FZR1: variants seen among roughly 807,000 people sequenced by gnomAD.
The protein encoded by FZR1 is fizzy-related protein homolog.
In FZR1, 11 loss-of-function variants were observed where a neutral mutation model predicts 63.6. The ratio of observed to expected loss-of-function variants is 0.17; its 90% confidence interval spans 0.11 to 0.29. FZR1 has a LOEUF of 0.29. Ranked by LOEUF, FZR1 falls within the 10% of genes least tolerant of loss-of-function variation. The pLI, the probability that FZR1 is intolerant of heterozygous loss-of-function variation, is 1.00. For synonymous variants in FZR1, 328 were observed against 297.9 expected, an observed-to-expected ratio of 1.10 and a Z score of -1.04; for missense variants, 440 against 687.5, an observed-to-expected ratio of 0.64 and a Z score of 4.03.
chr19:3,528,905 G>C (rs563758919), intron 7 of FZR1, among the ~76,000 whole-genome samples: 1 of 148,736 alleles, frequency 6.7e-6, no homozygotes, highest in South Asian at 2.2e-4. Flanking sequence ...GAGGGGAGTG[G>C]ATGTTTGAGT....
Position 3,526,504 on chromosome 19 carries a change from C to T in FZR1, c.387+118C>T. 1.3e-6 allele frequency: 1 copy of T among 753,274 alleles called. No homozygotes were observed. The allele number at this position is 753,274 out of a possible 1,614,324, so 46.7% of individuals were successfully genotyped here. ...CCGGTTCTCGGGCCCAGCCACGGCT[C>T]AGCACCCCCGCCCTGACCCTGTTCC... On this transcript the variant is annotated intron_variant, in intron 5 of 13. Transcript: ENST00000441788. This position sits in a 1 kb window ranked among gnomAD's most constrained non-coding sequence, Gnocchi z 5.4.
chr19:3,507,983 G>A (rs1229219023), intron 1 of FZR1, among the ~76,000 whole-genome samples: 3 of 152,206 alleles, frequency 2.0e-5, no homozygotes, highest in Non-Finnish European at 4.4e-5. Context: ...CTTACTCAAA[G>A]GCAAGCCCGG....
chr19:3,510,874 C>T (rs1007587803), intron 1 of FZR1, among the ~76,000 whole-genome samples: 3 of 152,242 alleles, frequency 2.0e-5, no homozygotes, highest in East Asian at 1.9e-4. Flanking sequence ...CTCAGCGCCC[C>T]GCAGAGCCCA....
In FZR1 at chr19:3,508,712, T is replaced by C. The variant is rs149216795; in HGVS notation, c.-35+2238T>C. 4.4e-3 allele frequency among the ~76,000 whole-genome samples: 666 copies of C among 152,326 alleles called. 7 individuals are homozygous for C. Among genetic ancestry groups the C allele is most frequent in the Middle Eastern group, 0.01 (3 of 294 alleles). ...GTGAAGATCCAGGGGCTTGGTCTTC[T>C]AGGAACTCAGCGCTGTCACTCCTTT... On this transcript the variant is annotated intron_variant, in intron 1 of 13. Transcript: ENST00000441788.
At chr19:3,531,088 A>G (rs1398418056) in intron 8 of FZR1, among the ~76,000 whole-genome samples, 1 of 152,120 alleles carries the variant, frequency 6.6e-6, no homozygotes, top group Admixed American at 6.5e-5. Context: ...CAGTGGGGAA[A>G]TAACGCCCCA....
In FZR1 at chr19:3,510,323, C is replaced by CG. The variant is rs1349028331; in HGVS notation, c.-35+3853dup. On this transcript the variant is annotated intron_variant, in intron 1 of 13. Coordinates refer to ENST00000441788, the MANE Select transcript of FZR1 (RefSeq NM_016263.4). The stretch of plus-strand genomic sequence containing the variant: ...CTAATGTTTGTATTTTCTGTAGAGA[C>CG]GGGGTTTTACCATGTTGCTCAGGCT... Among the ~76,000 whole-genome samples, 5 of 152,174 alleles carry CG rather than the reference C, an allele frequency of 3.3e-5. No individual in the cohort carries two copies. The East Asian group carries it at 9.7e-4, about 29-fold the overall frequency.
chr19:3,526,441 C>T lies in FZR1; in HGVS notation c.387+55C>T. On this transcript the variant is annotated intron_variant, in intron 5 of 13. Transcript: ENST00000441788. The surrounding 1 kb of genome is among the most constrained non-coding windows in gnomAD (Gnocchi z 5.4). Reference sequence around the variant, plus strand: ...CTGGCTCCCAGTGCAGCCTCCCCGGCCCCCCACCTCCCAGGCACCAGCTCT... The same window carrying T: ...CTGGCTCCCAGTGCAGCCTCCCCGGTCCCCCACCTCCCAGGCACCAGCTCT... The T allele has an allele frequency of 7.1e-7, 1 of 1,412,482 alleles. No homozygotes were observed. 87.5% of individuals were successfully genotyped at this position (1,412,482 alleles called of 1,614,324 possible).
chr19:3,530,244 A>G lies in FZR1; in HGVS notation c.655-548A>G, dbSNP rs1051404241. 4.7e-3 allele frequency among the ~76,000 whole-genome samples: 292 copies of G among 61,682 alleles called. 8 individuals carry two copies. The Middle Eastern group carries it at 0.078, about 17-fold the overall frequency. The allele number at this position is 61,682 out of a possible 152,430, so 40.5% of individuals were successfully genotyped here. On this transcript the variant is annotated intron_variant, in intron 7 of 13. Coordinates refer to ENST00000441788, the MANE Select transcript of FZR1 (RefSeq NM_016263.4). Reference sequence around the variant, plus strand: ...TGGATGGGTGAGCGGATGGGAGAGCAGATGGGTGAGCGGATGGGAGAGCGG... The same window carrying G: ...TGGATGGGTGAGCGGATGGGAGAGCGGATGGGTGAGCGGATGGGAGAGCGG...
chr19:3,529,519 T>G (rs534765547), intron 7 of FZR1, among the ~76,000 whole-genome samples: 2 of 123,830 alleles, frequency 1.6e-5, no homozygotes, highest in South Asian at 2.9e-4. Flanking sequence ...GGAGAGCAGA[T>G]GGGAGAGTGG....
Position 3,537,318 on chromosome 19 carries a change from C to T in FZR1, c.*2482C>T, listed in dbSNP as rs1466828648. ...TGCCTCTGCTGTCAGCTCCACCCGA[C>T]AGGCAGACGAAGGCCAGTGGGGCCA... On this transcript the variant is annotated 3_prime_UTR_variant, in exon 14 of 14. Transcript: ENST00000441788. 1 of 152,292 alleles carries T rather than the reference C, an allele frequency of 6.6e-6. No individual in the cohort carries two copies. The highest frequency in any genetic ancestry group is 2.1e-4 in the South Asian group (1 of 4,836). The allele number at this position is 152,292 out of a possible 1,614,324, so 9.4% of individuals were successfully genotyped here. A position where few individuals can be genotyped will look rare whatever the true frequency, so the allele number is the denominator to read the frequency against.
At chr19:3,532,783 G>A (rs900733702) in intron 11 of FZR1, 133 bp downstream of exon 11, 20 of 688,950 alleles carry the variant, frequency 2.9e-5, no homozygotes, top group Non-Finnish European at 3.8e-5. Context: ...GAGGGAGGCC[G>A]AGCGGGGAGG....
chr19:3,527,916 C>T lies in FZR1; in HGVS notation c.654+102C>T, dbSNP rs1450957270. ...CCAGGGAGCATCAGTACGAGCCAGG[C>T]GCCTGCCATGGCCCTCCTAGCTGGG... On this transcript the variant is annotated intron_variant, in intron 7 of 13. Transcript: ENST00000441788. 1.0e-5 allele frequency: 9 copies of T among 891,192 alleles called. No individual in the cohort carries two copies. The Admixed American group carries it at 2.0e-4, about 20-fold the overall frequency. 55.2% of individuals were successfully genotyped at this position (891,192 alleles called of 1,614,324 possible).
chr19:3,514,258 C>T lies in FZR1; in HGVS notation c.-35+7784C>T, dbSNP rs1353096690. 6.6e-6 allele frequency among the ~76,000 whole-genome samples: 1 copy of T among 152,214 alleles called. No homozygotes were observed. Among genetic ancestry groups the T allele is most frequent in the Admixed American group, 6.5e-5 (1 of 15,286 alleles). The stretch of plus-strand genomic sequence containing the variant: ...TCGGCTCCCTTTCCTCCTCTCCCCA[C>T]TGGTGCAGTGGGGATGGGGCTGGGG... On this transcript the variant is annotated intron_variant, in intron 1 of 13. Coordinates refer to ENST00000441788, the MANE Select transcript of FZR1 (RefSeq NM_016263.4). The surrounding 1 kb of genome is among the most constrained non-coding windows in gnomAD (Gnocchi z 4.2).
At chr19:3,531,617 C>T in intron 8 of FZR1, 97 bp from the exon 9 acceptor site, 2 of 785,026 alleles carry the variant, frequency 2.5e-6, no homozygotes, top group Non-Finnish European at 4.1e-6. Context: ...GTCCCAGAGC[C>T]CTGGTGAGGA....
rs2083239387 is a variant in FZR1, at chr19:3,530,800, G to A, written c.663G>A (p.Arg221=). The A allele has an allele frequency of 1.9e-6, 3 of 1,612,772 alleles. No individual in the cohort carries two copies. The highest frequency in any genetic ancestry group is 2.7e-5 in the African/African-American group (2 of 74,846). Residue 221 remains arginine (R), a synonymous_variant, in exon 8 of 14, where the codon CGG becomes CGA. Transcript: ENST00000441788. ...CTGACCTCTGCCTCCAGGTGACGCG[G>A]CTCTGTGACCTCTCAGTGGAAGGGG... ...LWSACTSQVT[R]LCDLSVEGDS...
At position 3,526,896 on chromosome 19, in the gene FZR1, G is replaced by A. The variant is rs2083164366; in HGVS notation, c.388-84G>A. 2 of 934,670 alleles carry A rather than the reference G, an allele frequency of 2.1e-6. No individual in the cohort carries two copies. Among genetic ancestry groups the A allele is most frequent in the South Asian group, 1.3e-5 (1 of 74,486 alleles). 57.9% of individuals were successfully genotyped at this position (934,670 alleles called of 1,614,324 possible). A position where few individuals can be genotyped will look rare whatever the true frequency, so the allele number is the denominator to read the frequency against. Reference sequence around the variant, plus strand: ...AGCACCTGCCTTAGGGCTATGAGCTGTACCGGGAGCGTGGGCTGCTGGGGG... The same window carrying A: ...AGCACCTGCCTTAGGGCTATGAGCTATACCGGGAGCGTGGGCTGCTGGGGG... On this transcript the variant is annotated intron_variant, in intron 5 of 13. Transcript: ENST00000441788. This position sits in a 1 kb window ranked among gnomAD's most constrained non-coding sequence, Gnocchi z 5.4.
In FZR1 at chr19:3,523,067, C is replaced by T. The variant is rs2083118458; in HGVS notation, c.69+9C>T. The T allele has an allele frequency of 6.4e-7, 1 of 1,560,594 alleles. No homozygotes were observed. Among genetic ancestry groups the T allele is most frequent in the Non-Finnish European group, 8.8e-7 (1 of 1,132,388 alleles). On this transcript the variant is annotated intron_variant, in intron 2 of 13. Transcript: ENST00000441788. ...AGAACACGATGCCACGCGTGAGTGC[C>T]CCCGCCCTGCCCACCACTGTGGCTC... is the stretch of plus-strand genomic sequence containing the variant.
rs2083054694 is a variant in FZR1 at position 3,515,774 on chromosome 19, A to G, written c.-34-7182A>G. On this transcript the variant is annotated intron_variant, in intron 1 of 13. Transcript: ENST00000441788. This position sits in a 1 kb window ranked among gnomAD's most constrained non-coding sequence, Gnocchi z 4.6. Reference sequence around the variant, plus strand: ...GAGCCAGACTCCGTCTCTAAAAAAAAAAAAAAAAGGAATTCAAGAAGTACA... The same window carrying G: ...GAGCCAGACTCCGTCTCTAAAAAAAGAAAAAAAAGGAATTCAAGAAGTACA... Among the ~76,000 whole-genome samples the G allele has an allele frequency of 6.6e-6, 1 of 151,938 alleles. No homozygotes were observed. Among genetic ancestry groups the G allele is most frequent in the Admixed American group, 6.6e-5 (1 of 15,260 alleles).
At chr19:3,518,142 G>C (rs1265432901) in intron 1 of FZR1, among the ~76,000 whole-genome samples, 2 of 151,082 alleles carry the variant, frequency 1.3e-5, no homozygotes, top group Non-Finnish European at 2.9e-5. Flanking sequence ...AGCCTCCCTA[G>C]TAGCTAGGAT....
Sources: allele counts gnomAD v4.1 joint callset (sites outside exome capture counted in the v4.1 genomes callset), GRCh38; gene constraint gnomAD v4.1.1; non-coding constraint Gnocchi (gnomAD v3.1); transcripts MANE v1.5; gene names NCBI Gene and HGNC (gene_info 2026-07-23, HGNC 2026-07-21).